Variants in CDH9 observed in about 807,000 individuals in gnomAD.
The protein encoded by CDH9 is cadherin-9.
Under a neutral mutation model 70.9 loss-of-function variants are expected in CDH9, and 28 were observed. The ratio of observed to expected loss-of-function variants is 0.40; its 90% CI spans 0.29 to 0.54. The LOEUF is 0.54. Ranked by LOEUF, CDH9 falls within the 20% of genes least tolerant of loss-of-function variation. The probability of loss-of-function intolerance (pLI) is 0.59; values close to 1 mark genes in which losing one functional copy is unlikely to be tolerated. For missense variants in CDH9, 874 were observed against 984.4 expected, an observed-to-expected ratio of 0.89 and a Z score of 1.50; for synonymous variants, 409 against 343.1, an observed-to-expected ratio of 1.19 and a Z score of -2.12.
intron 7 of CDH9, chr5:26,890,814 G>T (rs1046690150): frequency 1.1e-5 from 4 of 360,690 alleles, no homozygotes; most frequent in African/African-American, 6.2e-5. Flanking sequence ...CTGGATGGCA[G>T]CTGTTAAAGT....
intron 2 of CDH9, among the ~76,000 whole-genome samples, chr5:26,974,587 G>A (rs903648300): frequency 1.3e-5 from 2 of 152,126 alleles, no homozygotes; most frequent in African/African-American, 4.8e-5. Context: ...GAATAAACTT[G>A]TCTGAATGGA....
rs1348867426 is a variant in CDH9, at chr5:27,035,325, T to C, written c.-50+3138A>G. Among the ~76,000 whole-genome samples, 3 of 151,530 alleles carry C rather than the reference T, an allele frequency of 2.0e-5. No homozygotes were observed. The Admixed American group carries it at 2.0e-4, about 10-fold the overall frequency. On this transcript the variant is annotated intron_variant, in intron 1 of 11. Transcript: ENST00000231021. Reference sequence around the variant, plus strand: ...ATTTTATGTAAACATCTAAATAAGATAATGTCATGGGTATTGAGAATTATT... The same window carrying C: ...ATTTTATGTAAACATCTAAATAAGACAATGTCATGGGTATTGAGAATTATT...
At position 26,880,993 on chromosome 5, in the gene CDH9, A is replaced by T; in HGVS notation, c.*143T>A. On this transcript the variant is annotated 3_prime_UTR_variant, in exon 12 of 12. Transcript: ENST00000231021. ...TTCATTCACAAAGACTTACTGATTA[A>T]GCAAATCCCTACTTGACAACATCTA... 1.5e-6 allele frequency: 1 copy of T among 687,090 alleles called. No homozygotes were observed. The highest frequency in any genetic ancestry group is 2.4e-6 in the Non-Finnish European group (1 of 415,344). 42.6% of individuals were successfully genotyped at this position (687,090 alleles called of 1,614,324 possible).
intron 2 of CDH9, among the ~76,000 whole-genome samples, chr5:26,979,564 A>C (rs1283930497): frequency 6.6e-6 from 1 of 151,894 alleles, no homozygotes; most frequent in Non-Finnish European, 1.5e-5. Flanking sequence ...GAATGGGTTT[A>C]AGCCAATTAA....
At chr5:26,951,412 C>T (rs1006593132) in intron 2 of CDH9, among the ~76,000 whole-genome samples, 1 of 151,564 alleles carries the variant, frequency 6.6e-6, no homozygotes, top group African/African-American at 2.4e-5. Flanking sequence ...GAATACTTAC[C>T]TTTAGATGCT....
chr5:26,982,133 C>A (rs1275992729), intron 2 of CDH9, among the ~76,000 whole-genome samples: 1 of 142,130 alleles, frequency 7.0e-6, no homozygotes, highest in Non-Finnish European at 1.5e-5. Flanking sequence ...CACCCTTCCT[C>A]CCTTCCTTCC....
chr5:26,957,754 A>G (rs755442681), intron 2 of CDH9, among the ~76,000 whole-genome samples: 48 of 152,328 alleles, frequency 3.2e-4, no homozygotes, highest in Middle Eastern at 3.4e-3. Context: ...ATGCACAATA[A>G]TAGGTATAAT....
chr5:26,922,266 A>C (rs188350842), intron 2 of CDH9, among the ~76,000 whole-genome samples: 1 of 152,082 alleles, frequency 6.6e-6, no homozygotes, highest in East Asian at 1.9e-4. Flanking sequence ...AACCCAAATA[A>C]GAACAACAAG....
At chr5:26,970,176 A>T (rs1256706613) in intron 2 of CDH9, among the ~76,000 whole-genome samples, 2 of 151,672 alleles carry the variant, frequency 1.3e-5, no homozygotes. Context: ...AAAATACTTT[A>T]AAAATACCGA....
intron 7 of CDH9, among the ~76,000 whole-genome samples, chr5:26,896,812 T>C (rs1404314623): frequency 6.6e-6 from 1 of 151,382 alleles, no homozygotes; most frequent in African/African-American, 2.4e-5. Flanking sequence ...AAGAAATAAC[T>C]AACATCAGAG....
At chr5:27,029,609 T>G (rs1743276992) in intron 1 of CDH9, among the ~76,000 whole-genome samples, 1 of 151,950 alleles carries the variant, frequency 6.6e-6, no homozygotes, top group Non-Finnish European at 1.5e-5. Context: ...GTACCTAAGA[T>G]GTAGTAAGTG....
chr5:26,989,204 A>G lies in CDH9; in HGVS notation c.-49-822T>C, dbSNP rs558590033. 7.2e-5 allele frequency among the ~76,000 whole-genome samples: 11 copies of G among 152,202 alleles called. No homozygotes were observed. In the East Asian group the frequency reaches 9.7e-4, roughly 13 times the overall value. Reference sequence around the variant, plus strand: ...GAAACAATGTCTCCCTGTTAATATAATAAGTTGATTATTCTTGGATGAAAA... The same window carrying G: ...GAAACAATGTCTCCCTGTTAATATAGTAAGTTGATTATTCTTGGATGAAAA... On this transcript the variant is annotated intron_variant, in intron 1 of 11. Transcript: ENST00000231021.
intron 2 of CDH9, among the ~76,000 whole-genome samples, chr5:26,949,776 T>G (rs1243130966): frequency 6.6e-6 from 1 of 152,162 alleles, no homozygotes; most frequent in Non-Finnish European, 1.5e-5. Context: ...AGGACATAAG[T>G]AAGTATCTCT....
chr5:26,932,803 T>C (rs1254244261), intron 2 of CDH9, among the ~76,000 whole-genome samples: 1 of 151,842 alleles, frequency 6.6e-6, no homozygotes, highest in Non-Finnish European at 1.5e-5. Context: ...TTTCTATTAA[T>C]GTCCCTGATT....
At chr5:26,906,261 A>G (rs778435407) in intron 4 of CDH9, 135 bp from the exon 5 acceptor site, 49 of 676,732 alleles carry the variant, frequency 7.2e-5, no homozygotes, top group Non-Finnish European at 1.1e-4. Flanking sequence ...CCTTCAATCC[A>G]TAACCACTTT....
intron 1 of CDH9, among the ~76,000 whole-genome samples, chr5:27,003,127 C>T (rs960939609): frequency 6.6e-6 from 1 of 151,864 alleles, no homozygotes; most frequent in Admixed American, 6.6e-5. Flanking sequence ...GCTGAAAAAC[C>T]CAAATTCAAA....
chr5:26,943,985 T>C (rs572288066), intron 2 of CDH9, among the ~76,000 whole-genome samples: 15 of 152,326 alleles, frequency 9.8e-5, no homozygotes, highest in Admixed American at 6.5e-4. Context: ...GATTATTATA[T>C]TTCTAATTAT....
intron 2 of CDH9, among the ~76,000 whole-genome samples, chr5:26,939,322 C>G (rs1049594512): frequency 1.1e-4 from 17 of 151,564 alleles, no homozygotes; most frequent in Non-Finnish European, 2.2e-4. Context: ...GACTTAAATA[C>G]AAAAACAAAC....
intron 2 of CDH9, among the ~76,000 whole-genome samples, chr5:26,934,647 A>C (rs1741527705): frequency 6.6e-6 from 1 of 152,126 alleles, no homozygotes; most frequent in African/African-American, 2.4e-5. Context: ...TCTGTGCCAC[A>C]AATTTGAGAA....
Sources: gnomAD v4.1 joint callset for allele counts (sites outside exome capture counted in the v4.1 genomes callset) on GRCh38, gnomAD v4.1.1 for gene constraint, MANE v1.5 for transcripts, NCBI Gene and HGNC (gene_info 2026-07-23, HGNC 2026-07-21) for gene names.